The following PRLR variants were observed in gnomAD, a reference collection of about 807,000 sequenced individuals.
PRLR encodes the protein prolactin receptor, also known as hPRL receptor.
A neutral mutation model predicts 40.2 loss-of-function variants in PRLR; 13 were observed. The observed-to-expected ratio is 0.32, with a 90% CI of 0.21 to 0.51. The LOEUF (loss-of-function observed/expected upper bound fraction) is 0.51. Among genes scored for constraint, PRLR ranks in the 20% least tolerant of loss-of-function variants. The pLI is 0.97. For synonymous variants in PRLR, 269 were observed against 278.7 expected (o/e 0.97, Z 0.35); for missense variants, 656 against 747.3 (o/e 0.88, Z 1.42).
intron 1 of PRLR, chr5:35,152,908 T>C (rs1244525509): frequency 1.3e-5 from 2 of 152,220 alleles, no homozygotes; most frequent in Non-Finnish European, 2.9e-5. Context: ...GATGTGTACA[T>C]TTCCTAAGTA....
intron 1 of PRLR, among the ~76,000 whole-genome samples, chr5:35,194,461 C>T (rs1286922839): frequency 6.6e-6 from 1 of 152,192 alleles, no homozygotes; most frequent in Non-Finnish European, 1.5e-5. Flanking sequence ...TCTATCTTGT[C>T]CTGTGTTCCT....
At chr5:35,194,270 C>T (rs2111576046) in intron 1 of PRLR, among the ~76,000 whole-genome samples, 1 of 152,266 alleles carries the variant, frequency 6.6e-6, no homozygotes, top group South Asian at 2.1e-4. Flanking sequence ...GACATGGTTC[C>T]TGCCCTCATG....
At chr5:35,147,969 G>A (rs4370254) in intron 1 of PRLR, among the ~76,000 whole-genome samples, 120,298 of 151,928 alleles carry the variant, frequency 0.79, 50,294 homozygotes, top group Non-Finnish European at 0.92. Context: ...GAAATCTCAG[G>A]AGGACAATAT....
At chr5:35,134,969 C>T (rs1773807275) in intron 1 of PRLR, among the ~76,000 whole-genome samples, 1 of 152,140 alleles carries the variant, frequency 6.6e-6, no homozygotes, top group South Asian at 2.1e-4. Context: ...TCTAAGCCAT[C>T]TATAACATTG....
chr5:35,101,967 A>G (rs1771909912), intron 2 of PRLR, among the ~76,000 whole-genome samples: 1 of 151,848 alleles, frequency 6.6e-6, no homozygotes, highest in African/African-American at 2.4e-5. Flanking sequence ...AGCTGGGATT[A>G]CAGGTGCGTG....
chr5:35,086,097 C>G, intron 4 of PRLR, 111 bp downstream of exon 4: 1 of 1,350,266 alleles, frequency 7.4e-7, no homozygotes, highest in East Asian at 2.3e-5. Flanking sequence ...GTGGTATGAA[C>G]CTTACTGGTG....
chr5:35,067,032 G>A (rs1026346821), intron 9 of PRLR, among the ~76,000 whole-genome samples: 2 of 152,016 alleles, frequency 1.3e-5, no homozygotes, highest in Admixed American at 1.3e-4. Context: ...CAAAGTGCTG[G>A]GATTACAGGC....
intron 1 of PRLR, among the ~76,000 whole-genome samples, chr5:35,213,114 T>C (rs1232725581): frequency 1.3e-5 from 2 of 152,168 alleles, no homozygotes; most frequent in African/African-American, 4.8e-5. Context: ...AATAATCATA[T>C]CCTATCTAAA....
intron 1 of PRLR, among the ~76,000 whole-genome samples, chr5:35,158,317 C>A (rs1774570742): frequency 6.6e-6 from 1 of 152,068 alleles, no homozygotes; most frequent in Non-Finnish European, 1.5e-5. Flanking sequence ...TTTCCACTTA[C>A]AACGCAGTGA....
chr5:35,076,314 G>T (rs1029783862), intron 5 of PRLR, among the ~76,000 whole-genome samples: 14 of 152,214 alleles, frequency 9.2e-5, no homozygotes, highest in African/African-American at 3.4e-4. Context: ...TTAGACAAAT[G>T]GCTAACTAGA....
At chr5:35,124,765 A>G (rs1424812742) in intron 1 of PRLR, among the ~76,000 whole-genome samples, 1 of 151,072 alleles carries the variant, frequency 6.6e-6, no homozygotes, top group Admixed American at 6.6e-5. Flanking sequence ...TTGGATCAAC[A>G]CCCTGAAATT....
intron 1 of PRLR, among the ~76,000 whole-genome samples, chr5:35,205,124 C>A (rs903953144): frequency 6.6e-6 from 1 of 151,806 alleles, no homozygotes; most frequent in African/African-American, 2.4e-5. Flanking sequence ...ATGAGAAATT[C>A]AGCCAAGATT....
At chr5:35,122,824 G>A (rs1160798905) in intron 1 of PRLR, among the ~76,000 whole-genome samples, 4 of 152,176 alleles carry the variant, frequency 2.6e-5, no homozygotes, top group African/African-American at 9.7e-5. Context: ...TCAAAGGCAT[G>A]GGCCTTGTTT....
At chr5:35,105,369 G>A (rs1772167432) in intron 2 of PRLR, among the ~76,000 whole-genome samples, 1 of 152,228 alleles carries the variant, frequency 6.6e-6, no homozygotes. Flanking sequence ...GATGGACAGA[G>A]AATGATGTTG....
Position 35,058,029 on chromosome 5 carries a change from T to C in PRLR, c.*7060A>G, listed in dbSNP as rs1418852270. On this transcript the variant is annotated 3_prime_UTR_variant, in exon 10 of 10. Transcript: ENST00000618457. ...GTTTTTCATATGATGACTTACTAAG[T>C]ATTCTTTCTGAATCTTTCTTGCAGC... is the stretch of plus-strand genomic sequence containing the variant. The C allele has an allele frequency of 6.6e-6, 1 of 152,142 alleles. No homozygotes were observed. Among genetic ancestry groups the C allele is most frequent in the African/African-American group, 2.4e-5 (1 of 41,430 alleles). The allele number at this position is 152,142 out of a possible 1,614,324, so 9.4% of individuals were successfully genotyped here. A position where few individuals can be genotyped will look rare whatever the true frequency, so the allele number is the denominator to read the frequency against.
chr5:35,118,941 C>T (rs1773173335), intron 1 of PRLR, among the ~76,000 whole-genome samples: 1 of 152,030 alleles, frequency 6.6e-6, no homozygotes, highest in African/African-American at 2.4e-5. Flanking sequence ...ACTACAGGCA[C>T]ATGTCATTAC....
intron 1 of PRLR, among the ~76,000 whole-genome samples, chr5:35,147,547 A>G (rs1774216018): frequency 6.6e-6 from 1 of 152,238 alleles, no homozygotes; most frequent in Non-Finnish European, 1.5e-5. Context: ...AATGGGACTC[A>G]TGATAGCTAA....
chr5:35,096,019 G>A (rs946399720), intron 2 of PRLR, among the ~76,000 whole-genome samples: 3 of 152,214 alleles, frequency 2.0e-5, no homozygotes, highest in African/African-American at 7.2e-5. Context: ...AGGAGCGCAT[G>A]TGCTGTGCAT....
intron 1 of PRLR, among the ~76,000 whole-genome samples, chr5:35,206,433 G>A (rs913343563): frequency 6.6e-6 from 1 of 152,076 alleles, no homozygotes; most frequent in South Asian, 2.1e-4. Flanking sequence ...AAAGGATTAT[G>A]TTGCTGAACA....
Sources: allele counts gnomAD v4.1 joint callset (sites outside exome capture counted in the v4.1 genomes callset), GRCh38; gene constraint gnomAD v4.1.1; transcripts MANE v1.5; gene names NCBI Gene and HGNC (gene_info 2026-07-23, HGNC 2026-07-21).